Variants in CMPK1 observed in about 807,000 individuals in gnomAD.
CMPK1 encodes UMP-CMP kinase.
CMPK1 carries 10 observed loss-of-function variants against 25.7 expected under a neutral mutation model. The ratio of observed to expected loss-of-function variants is 0.39; its 90% CI spans 0.24 to 0.66. The LOEUF (loss-of-function observed/expected upper bound fraction) is 0.66. CMPK1 is among the 30% of genes least tolerant of loss of function. The probability of loss-of-function intolerance (pLI) is 0.48; values close to 1 mark genes in which losing one functional copy is unlikely to be tolerated. For missense variants in CMPK1, 199 were observed against 280.5 expected (o/e 0.71, Z 2.08); for synonymous variants, 106 against 101.5 (o/e 1.04, Z -0.27).
chr1:47,361,279 C>T (rs1646599665), intron 1 of CMPK1, among the ~76,000 whole-genome samples: 1 of 152,162 alleles, frequency 6.6e-6, no homozygotes, highest in Admixed American at 6.6e-5. Flanking sequence ...ATCCCAGCTA[C>T]TCTGGAGGCT....
chr1:47,335,391 C>G (rs1263320381), intron 1 of CMPK1, among the ~76,000 whole-genome samples: 1 of 152,116 alleles, frequency 6.6e-6, no homozygotes, highest in Admixed American at 6.6e-5. Context: ...GTAATCCCAG[C>G]ACTTTGGGAG....
chr1:47,367,507 G>A (rs1159520113), intron 1 of CMPK1, among the ~76,000 whole-genome samples: 1 of 152,164 alleles, frequency 6.6e-6, no homozygotes. Flanking sequence ...GGGAGTGTGG[G>A]CTGCCTCAAA....
chr1:47,375,165 C>G (rs1202064819), intron 4 of CMPK1, 32 bp from the exon 5 acceptor site: 16 of 1,512,882 alleles, frequency 1.1e-5, no homozygotes, highest in Non-Finnish European at 1.5e-5. Flanking sequence ...GGATAGATAC[C>G]TAGAACCTTG....
chr1:47,339,997 C>G (rs1029553049), intron 1 of CMPK1, among the ~76,000 whole-genome samples: 1 of 151,598 alleles, frequency 6.6e-6, no homozygotes, highest in Non-Finnish European at 1.5e-5. Context: ...CGTGAGCCAC[C>G]GCATCCGGCT....
intron 1 of CMPK1, among the ~76,000 whole-genome samples, chr1:47,335,299 G>C (rs779659304): frequency 3.3e-5 from 5 of 152,136 alleles, no homozygotes; most frequent in Non-Finnish European, 5.9e-5. Flanking sequence ...GAGAAAGTTA[G>C]ATGAGTTCAA....
intron 1 of CMPK1, among the ~76,000 whole-genome samples, chr1:47,335,080 A>G (rs545446135): frequency 6.6e-6 from 1 of 152,310 alleles, no homozygotes; most frequent in African/African-American, 2.4e-5. Flanking sequence ...GGAAAACAGG[A>G]TATCTAGAAA....
At chr1:47,352,917 T>C (rs1365369348) in intron 1 of CMPK1, among the ~76,000 whole-genome samples, 3 of 148,150 alleles carry the variant, frequency 2.0e-5, no homozygotes, top group African/African-American at 7.3e-5. Flanking sequence ...GAGCAAAATA[T>C]ACTTATGAAG....
chr1:47,348,889 G>C (rs1051187108), intron 1 of CMPK1, among the ~76,000 whole-genome samples: 2 of 152,172 alleles, frequency 1.3e-5, no homozygotes, highest in African/African-American at 4.8e-5. Context: ...TGGGAGTATA[G>C]AGACAGCAAA....
At chr1:47,339,701 C>CTTTTTT (rs71053104) in intron 1 of CMPK1, among the ~76,000 whole-genome samples, 7 of 109,940 alleles carry the variant, frequency 6.4e-5, no homozygotes, top group Admixed American at 2.2e-4. Flanking sequence ...TCTTCCTTTC[C>CTTTTTT]TTTTTTTTTT....
intron 1 of CMPK1, among the ~76,000 whole-genome samples, chr1:47,343,016 T>C (rs150055253): frequency 1.2e-3 from 179 of 151,278 alleles, no homozygotes; most frequent in African/African-American, 4.1e-3. Context: ...AAACGGAATC[T>C]TGCTCTGTCG....
At chr1:47,346,141 C>T (rs1050399089) in intron 1 of CMPK1, among the ~76,000 whole-genome samples, 1 of 151,988 alleles carries the variant, frequency 6.6e-6, no homozygotes, top group East Asian at 1.9e-4. Context: ...CCTCTGCCTC[C>T]CGGGTTCAAG....
chr1:47,354,215 G>C (rs1646542231), intron 1 of CMPK1, among the ~76,000 whole-genome samples: 1 of 152,100 alleles, frequency 6.6e-6, no homozygotes, highest in South Asian at 2.1e-4. Context: ...CGTAGTCCCA[G>C]CTACTCGGGA....
intron 2 of CMPK1, among the ~76,000 whole-genome samples, chr1:47,370,027 GTC>G (rs66485259): frequency 0.39 from 57,896 of 149,318 alleles, 13,624 homozygotes; most frequent in Non-Finnish European, 0.51. Context: ...CCATTCTCCT[GTC>G]TCAGCCTTCC....
At chr1:47,364,765 T>C (rs1287163808) in intron 1 of CMPK1, among the ~76,000 whole-genome samples, 1 of 150,586 alleles carries the variant, frequency 6.6e-6, no homozygotes, top group Non-Finnish European at 1.5e-5. Context: ...TATGTGAATT[T>C]ATATATGTTT....
chr1:47,374,908 G>C lies in CMPK1; in HGVS notation c.472-1G>C. On this transcript the variant is annotated splice_acceptor_variant, in intron 3 of 5. Transcript: ENST00000371873. LOFTEE classifies it high-confidence loss of function. ...TTTAATAACTTTGTATCTCTTTTTA[G>C]ATTTGTATTGAACGATGTCTTGAGA... 1 of 1,603,854 alleles carries C rather than the reference G, an allele frequency of 6.2e-7. No homozygotes were observed. The highest frequency in any genetic ancestry group is 8.5e-7 in the Non-Finnish European group (1 of 1,172,124).
At chr1:47,348,000 T>C (rs546970453) in intron 1 of CMPK1, among the ~76,000 whole-genome samples, 76 of 152,332 alleles carry the variant, frequency 5.0e-4, no homozygotes, top group Admixed American at 2.8e-3. Context: ...CTGTGTTTCC[T>C]TTAAAAAATT....
intron 2 of CMPK1, among the ~76,000 whole-genome samples, chr1:47,371,549 C>T (rs894022656): frequency 4.6e-5 from 7 of 152,124 alleles, no homozygotes; most frequent in Non-Finnish European, 5.9e-5. Context: ...TTTATGACAG[C>T]GTCTCTTTTT....
intron 1 of CMPK1, among the ~76,000 whole-genome samples, chr1:47,354,121 T>G (rs1456228214): frequency 3.3e-5 from 5 of 152,144 alleles, no homozygotes; most frequent in African/African-American, 1.2e-4. Flanking sequence ...GCCCGGAGTT[T>G]GAGACCAGTT....
At chr1:47,358,316 G>C in intron 1 of CMPK1, 1 of 646,974 alleles carries the variant, frequency 1.5e-6, no homozygotes, top group Non-Finnish European at 2.5e-6. Flanking sequence ...TCTTGCTATG[G>C]TGCATAGGCT....
Sources: allele counts gnomAD v4.1 joint callset (sites outside exome capture counted in the v4.1 genomes callset), GRCh38; gene constraint gnomAD v4.1.1; transcripts MANE v1.5; gene names NCBI Gene and HGNC (gene_info 2026-07-23, HGNC 2026-07-21).